AUTS2: variants seen among roughly 807,000 people sequenced by gnomAD.
AUTS2 encodes the protein autism susceptibility gene 2 protein.
AUTS2 carries 17 observed loss-of-function variants against 112.4 expected under a neutral mutation model. The ratio of observed to expected loss-of-function variants is 0.15; its 90% CI spans 0.10 to 0.23. The LOEUF is 0.23. AUTS2 is among the 10% of genes least tolerant of loss of function. The probability of loss-of-function intolerance (pLI) is 1.00; values close to 1 mark genes in which losing one functional copy is unlikely to be tolerated. For missense variants in AUTS2, 1,510 were observed against 1,701.6 expected, an observed-to-expected ratio of 0.89 and a Z score of 1.98; for synonymous variants, 751 against 702.7, an observed-to-expected ratio of 1.07 and a Z score of -1.09.
chr7:70,170,125 C>T (rs1380615396), intron 4 of AUTS2, among the ~76,000 whole-genome samples: 2 of 147,772 alleles, frequency 1.4e-5, no homozygotes, highest in Non-Finnish European at 3.0e-5. Flanking sequence ...GATCCACTGT[C>T]TCTCAAAAGG....
intron 2 of AUTS2, among the ~76,000 whole-genome samples, chr7:70,021,211 A>G (rs903777058): frequency 1.3e-5 from 2 of 151,766 alleles, no homozygotes; most frequent in Admixed American, 6.6e-5. Context: ...CGAACTCCTG[A>G]CCTCAGGTGA....
At chr7:70,056,808 G>A (rs898478856) in intron 2 of AUTS2, among the ~76,000 whole-genome samples, 1 of 152,142 alleles carries the variant, frequency 6.6e-6, no homozygotes, top group East Asian at 1.9e-4. Flanking sequence ...CAGTGTGGAT[G>A]GTGGAGTCCT....
intron 4 of AUTS2, among the ~76,000 whole-genome samples, chr7:70,265,311 C>T (rs1787364673): frequency 6.6e-6 from 1 of 152,150 alleles, no homozygotes; most frequent in Non-Finnish European, 1.5e-5. Flanking sequence ...AATCCTTTAT[C>T]TCCATGAGAG....
intron 12 of AUTS2, 69 bp from the exon 13 acceptor site, chr7:70,775,288 C>T (rs1790613476): frequency 7.3e-7 from 1 of 1,367,238 alleles, no homozygotes; most frequent in Admixed American, 1.9e-5. Flanking sequence ...TGAAGCACTA[C>T]AAATTTGTTA....
At position 70,182,377 on chromosome 7, in the gene AUTS2, ATCCAAATGAAATAGTTTATTAT is replaced by A. The variant is rs550898036; in HGVS notation, c.660+47810_660+47831del. Among the ~76,000 whole-genome samples the A allele has an allele frequency of 1.7e-3, 266 of 152,276 alleles. 1 individual carries two copies. Among genetic ancestry groups the A allele is most frequent in the African/African-American group, 5.8e-3 (243 of 41,560 alleles). ...GTTGAGGCTTTACTCAGTTTTCAAG[ATCCAAATGAAATAGTTTATTAT>A]TCCTCTTATACCCTTCGTCTAAGTG... On this transcript the variant is annotated intron_variant, in intron 4 of 18. Coordinates refer to ENST00000342771, the MANE Select transcript of AUTS2 (RefSeq NM_015570.4).
chr7:70,340,162 A>AC (rs1791191496), intron 4 of AUTS2, among the ~76,000 whole-genome samples: 1 of 147,190 alleles, frequency 6.8e-6, no homozygotes, highest in Non-Finnish European at 1.5e-5. Flanking sequence ...GTATGGAGAG[A>AC]AACACACACA....
chr7:70,670,195 G>C (rs772700648), intron 5 of AUTS2, among the ~76,000 whole-genome samples: 2 of 152,120 alleles, frequency 1.3e-5, no homozygotes, highest in Non-Finnish European at 2.9e-5. Flanking sequence ...TTTGATTTCT[G>C]TTTTATGGTA....
At chr7:69,630,769 C>G (rs1392884945) in intron 1 of AUTS2, among the ~76,000 whole-genome samples, 1 of 152,136 alleles carries the variant, frequency 6.6e-6, no homozygotes, top group Non-Finnish European at 1.5e-5. Context: ...ATTAAAGATT[C>G]CTGGTTACCA....
chr7:69,850,282 G>A (rs1190027933), intron 1 of AUTS2, among the ~76,000 whole-genome samples: 1 of 150,656 alleles, frequency 6.6e-6, no homozygotes, highest in Non-Finnish European at 1.5e-5. Flanking sequence ...GCAACAGGGT[G>A]ACACTCTGTC....
At chr7:70,655,746 G>C (rs1332607525) in intron 5 of AUTS2, among the ~76,000 whole-genome samples, 3 of 152,128 alleles carry the variant, frequency 2.0e-5, no homozygotes, top group Non-Finnish European at 4.4e-5. Flanking sequence ...GCCACATCAG[G>C]GTTCTACTGG....
intron 4 of AUTS2, among the ~76,000 whole-genome samples, chr7:70,223,435 C>A (rs1811587821): frequency 6.6e-6 from 1 of 152,104 alleles, no homozygotes; most frequent in Admixed American, 6.5e-5. Flanking sequence ...GACATCATAG[C>A]CTGGTAAGGT....
intron 4 of AUTS2, among the ~76,000 whole-genome samples, chr7:70,156,112 A>T (rs979560851): frequency 3.3e-5 from 5 of 152,204 alleles, no homozygotes; most frequent in Admixed American, 2.6e-4. Context: ...CACAAGTGAC[A>T]GCCTCAGTGA....
intron 4 of AUTS2, among the ~76,000 whole-genome samples, chr7:70,289,005 G>GC (rs1447568293): frequency 2.0e-5 from 3 of 152,140 alleles, no homozygotes; most frequent in Non-Finnish European, 1.5e-5. Context: ...GAGTAAAAAG[G>GC]CAGAGGATCA....
chr7:70,785,161 C>T, intron 16 of AUTS2, 142 bp downstream of exon 16: 2 of 789,448 alleles, frequency 2.5e-6, no homozygotes, highest in East Asian at 5.3e-5. Context: ...ATGGTGCTCT[C>T]TTAGGAGTTT....
intron 5 of AUTS2, among the ~76,000 whole-genome samples, chr7:70,640,335 A>C (rs1805746493): frequency 6.7e-6 from 1 of 150,148 alleles, no homozygotes; most frequent in South Asian, 2.1e-4. Flanking sequence ...GTAGTTATAA[A>C]TCTCTCAAGG....
At chr7:70,529,092 C>T (rs1056977331) in intron 5 of AUTS2, among the ~76,000 whole-genome samples, 1 of 152,138 alleles carries the variant, frequency 6.6e-6, no homozygotes, top group Non-Finnish European at 1.5e-5. Flanking sequence ...CTCAAAACCC[C>T]ACCACCACAA....
chr7:70,383,600 A>T (rs899701289), intron 4 of AUTS2, among the ~76,000 whole-genome samples: 1 of 152,218 alleles, frequency 6.6e-6, no homozygotes, highest in Non-Finnish European at 1.5e-5. Flanking sequence ...CACAGACCTC[A>T]TGCTATCACT....
At chr7:69,666,881 G>A (rs745739106) in intron 1 of AUTS2, among the ~76,000 whole-genome samples, 1 of 152,072 alleles carries the variant, frequency 6.6e-6, no homozygotes, top group African/African-American at 2.4e-5. Context: ...CAGCCTGGGC[G>A]AGAGAGTGAG....
At chr7:70,196,184 A>G (rs751729110) in intron 4 of AUTS2, among the ~76,000 whole-genome samples, 154 of 152,326 alleles carry the variant, frequency 1.0e-3, no homozygotes, top group Middle Eastern at 6.8e-3. Flanking sequence ...GAAGCAATGA[A>G]ATTGAGACAG....
Sources: allele counts gnomAD v4.1 joint callset (sites outside exome capture counted in the v4.1 genomes callset), GRCh38; gene constraint gnomAD v4.1.1; transcripts MANE v1.5; gene names NCBI Gene and HGNC (gene_info 2026-07-23, HGNC 2026-07-21).